CCDC73: variants seen among roughly 807,000 people sequenced by gnomAD.
CCDC73 encodes coiled-coil domain containing 73.
Under a neutral mutation model 116.5 loss-of-function variants are expected in CCDC73, and 95 were observed. The observed-to-expected ratio is 0.82, with a 90% CI of 0.69 to 0.97. The LOEUF (loss-of-function observed/expected upper bound fraction) is 0.97, where lower values mean the gene tolerates loss of function less well. Ranked by LOEUF, CCDC73 falls within the 50% of genes least tolerant of loss-of-function variation. The pLI, the probability that CCDC73 is intolerant of heterozygous loss-of-function variation, is 0.00. For synonymous variants in CCDC73, 398 were observed against 401.3 expected (o/e 0.99, Z 0.10); for missense variants, 1,066 against 1,206.8 (o/e 0.88, Z 1.73).
chr11:32,633,049 G>T (rs982208999), intron 14 of CCDC73, among the ~76,000 whole-genome samples: 1 of 152,084 alleles, frequency 6.6e-6, no homozygotes, highest in African/African-American at 2.4e-5. Flanking sequence ...ATCAAAACCT[G>T]TTTTTTGTTT....
chr11:32,605,014 A>T (rs1402159160), intron 17 of CCDC73: 2 of 151,900 alleles, frequency 1.3e-5, no homozygotes, highest in African/African-American at 4.8e-5. Flanking sequence ...CACGATGCCC[A>T]GCTAATTTTT....
chr11:32,636,596 T>C (rs190330761), intron 13 of CCDC73, among the ~76,000 whole-genome samples: 1 of 152,246 alleles, frequency 6.6e-6, no homozygotes, highest in African/African-American at 2.4e-5. Flanking sequence ...AAGTTTCTCT[T>C]GAACAATTTT....
At chr11:32,682,379 T>C (rs1336455830) in intron 7 of CCDC73, 2 of 151,950 alleles carry the variant, frequency 1.3e-5, no homozygotes, top group Non-Finnish European at 2.9e-5. Flanking sequence ...AGTCTGACAA[T>C]ATTATTTTTA....
intron 6 of CCDC73, among the ~76,000 whole-genome samples, chr11:32,684,762 T>C (rs1856178490): frequency 6.6e-6 from 1 of 152,154 alleles, no homozygotes; most frequent in Non-Finnish European, 1.5e-5. Flanking sequence ...GCTGTTGGAT[T>C]GCTTGAGTCC....
intron 13 of CCDC73, among the ~76,000 whole-genome samples, chr11:32,637,840 A>G (rs1046171102): frequency 1.3e-5 from 2 of 152,158 alleles, no homozygotes; most frequent in Non-Finnish European, 2.9e-5. Context: ...TCTTAAATCT[A>G]TATCTCCTCC....
chr11:32,792,163 C>T (rs1305263957), intron 1 of CCDC73, among the ~76,000 whole-genome samples: 2 of 151,948 alleles, frequency 1.3e-5, no homozygotes, highest in Non-Finnish European at 2.9e-5. Flanking sequence ...CATTAATAAG[C>T]ACAGCACAAA....
intron 9 of CCDC73, among the ~76,000 whole-genome samples, chr11:32,664,161 C>T (rs1855957488): frequency 6.6e-6 from 1 of 152,050 alleles, no homozygotes; most frequent in Non-Finnish European, 1.5e-5. Context: ...TGTGTCTCTG[C>T]CAGGCTTTGG....
At chr11:32,699,213 A>G in intron 6 of CCDC73, 38 bp downstream of exon 6, 6 of 1,540,370 alleles carry the variant, frequency 3.9e-6, no homozygotes, top group Non-Finnish European at 5.3e-6. Context: ...ATGCTAAAAT[A>G]CCAAACTACT....
chr11:32,683,627 A>G, intron 6 of CCDC73, 53 bp from the exon 7 acceptor site: 8 of 1,063,958 alleles, frequency 7.5e-6, no homozygotes, highest in Non-Finnish European at 1.1e-5. Flanking sequence ...TATCTACACA[A>G]ATTCCTCTGA....
chr11:32,607,468 A>C (rs919339485), intron 17 of CCDC73, among the ~76,000 whole-genome samples: 1 of 152,182 alleles, frequency 6.6e-6, no homozygotes, highest in African/African-American at 2.4e-5. Context: ...CCCCTATTAG[A>C]TTAATTATAA....
chr11:32,824,604 C>T, the CCDC73 span, among the ~76,000 whole-genome samples: 1 of 152,166 alleles, frequency 6.6e-6, no homozygotes, highest in Admixed American at 6.5e-5. Context: ...AGTCCTGCTA[C>T]ATGCCAGCCA....
At chr11:32,664,483 A>G (rs1224975963) in intron 9 of CCDC73, among the ~76,000 whole-genome samples, 2 of 152,152 alleles carry the variant, frequency 1.3e-5, no homozygotes, top group South Asian at 2.1e-4. Context: ...TGTTTATAGT[A>G]TTCTCTGATG....
At chr11:32,655,697 G>A (rs891918373) in intron 9 of CCDC73, among the ~76,000 whole-genome samples, 2 of 152,198 alleles carry the variant, frequency 1.3e-5, no homozygotes. Flanking sequence ...GAGTTTGAAT[G>A]TTATACTATA....
intron 2 of CCDC73, among the ~76,000 whole-genome samples, chr11:32,731,462 T>C (rs907048173): frequency 1.2e-4 from 18 of 152,178 alleles, no homozygotes; most frequent in African/African-American, 4.1e-4. Context: ...ATGGACAGAC[T>C]GCATCAAGTG....
chr11:32,758,726 T>C (rs1357969971), intron 2 of CCDC73: 1 of 232,640 alleles, frequency 4.3e-6, no homozygotes, highest in Non-Finnish European at 8.8e-6. Flanking sequence ...AAGTTGGAAA[T>C]ATAAACAGAC....
At chr11:32,624,509 T>G (rs1397816813) in intron 14 of CCDC73, among the ~76,000 whole-genome samples, 1 of 152,210 alleles carries the variant, frequency 6.6e-6, no homozygotes, top group Non-Finnish European at 1.5e-5. Context: ...CACGTCCTAG[T>G]CACACAATGG....
At chr11:32,760,051 T>C (rs1850377880) in intron 2 of CCDC73, 58 bp downstream of exon 2, 1 of 1,417,142 alleles carries the variant, frequency 7.1e-7, no homozygotes, top group Non-Finnish European at 9.7e-7. Context: ...TAAAAAACAA[T>C]AAACTGAACA....
chr11:32,667,910 T>C (rs74645287), intron 9 of CCDC73, among the ~76,000 whole-genome samples: 1,547 of 152,326 alleles, frequency 0.01, 5 homozygotes, highest in Non-Finnish European at 0.015. Flanking sequence ...TTATTATCAG[T>C]GGAATGGTTA....
intron 1 of CCDC73, among the ~76,000 whole-genome samples, chr11:32,790,896 C>A (rs1336626963): frequency 2.0e-5 from 3 of 152,072 alleles, no homozygotes; most frequent in Non-Finnish European, 4.4e-5. Context: ...TTTGAGCCAC[C>A]TTATAAATAA....
Sources: gnomAD v4.1 joint callset for allele counts (sites outside exome capture counted in the v4.1 genomes callset) on GRCh38, gnomAD v4.1.1 for gene constraint, MANE v1.5 for transcripts, NCBI Gene and HGNC (gene_info 2026-07-23, HGNC 2026-07-21) for gene names.